DEPDC1B: variants seen among roughly 807,000 people sequenced by gnomAD.
DEPDC1B encodes the protein DEP domain-containing protein 1B.
Under a neutral mutation model 66.5 loss-of-function variants are expected in DEPDC1B, and 51 were observed. The observed-to-expected ratio is 0.77, with a 90% CI of 0.61 to 0.97. The LOEUF (loss-of-function observed/expected upper bound fraction) is 0.97, where lower values mean the gene tolerates loss of function less well. Among genes scored for constraint, DEPDC1B ranks in the 50% least tolerant of loss-of-function variants. The pLI, the probability that DEPDC1B is intolerant of heterozygous loss-of-function variation, is 0.00. For synonymous variants in DEPDC1B, 226 were observed against 223.6 expected (o/e 1.01, Z -0.10); for missense variants, 552 against 637.1 (o/e 0.87, Z 1.44).
At position 60,603,487 on chromosome 5, in the gene DEPDC1B, T is replaced by G. The variant is rs200431822; in HGVS notation, c.1146A>C (p.Val382=). The G allele has an allele frequency of 4.6e-5, 75 of 1,613,042 alleles. No homozygotes were observed. The highest frequency in any genetic ancestry group is 1.4e-5 in the Non-Finnish European group (16 of 1,179,652). Residue 382 remains valine (V), a synonymous_variant, in exon 9 of 11, where the codon GTA becomes GTC. Transcript: ENST00000265036. The part of the protein sequence containing the change: ...DLDELLAARL[V]TFLMDNYQEI... ...CCTGGTAATTGTCCATCAGAAACGT[T>G]ACCAATCTAGCAGCTAATAACTCAT...
intron 1 of DEPDC1B, among the ~76,000 whole-genome samples, chr5:60,696,494 T>C (rs1754657087): frequency 6.6e-6 from 1 of 152,216 alleles, no homozygotes; most frequent in East Asian, 1.9e-4. Flanking sequence ...ACTAAGGGGT[T>C]ATTTGGCTAC....
At chr5:60,605,531 C>T (rs1752291216) in intron 8 of DEPDC1B, among the ~76,000 whole-genome samples, 159 bp downstream of exon 8, 1 of 152,182 alleles carries the variant, frequency 6.6e-6, no homozygotes, top group Non-Finnish European at 1.5e-5. Context: ...TTCTTTAAGA[C>T]ACTTAGAACA....
rs770495076 is a variant in DEPDC1B, at chr5:60,597,847, A to C, written c.1496T>G (p.Phe499Cys). 3.1e-6 allele frequency: 5 copies of C among 1,613,466 alleles called. No homozygotes were observed. The South Asian group carries it at 5.5e-5, about 18-fold the overall frequency. Residue 499 changes from phenylalanine (F) to cysteine (C), a missense_variant, in exon 11 of 11, where the codon TTT becomes TGT. Transcript: ENST00000265036. The stretch of plus-strand genomic sequence containing the variant: ...TGGTTTCGGTTTGGGTTTTTCAGGA[A>C]ACAGAAGTGCTGCACTTTCTGGTGT... The part of the protein sequence containing the change: ...FPTPESAALL[F>C]PEKPKPKPQL...
chr5:60,686,906 C>A, intron 2 of DEPDC1B, 56 bp downstream of exon 2: 2 of 1,594,200 alleles, frequency 1.3e-6, no homozygotes, highest in Non-Finnish European at 1.7e-6. Flanking sequence ...CAGACTTGGA[C>A]CAGATTCACT....
intron 7 of DEPDC1B, among the ~76,000 whole-genome samples, chr5:60,614,545 T>G (rs1333302366): frequency 6.6e-6 from 1 of 152,230 alleles, no homozygotes; most frequent in Non-Finnish European, 1.5e-5. Context: ...AGCCCCTGCT[T>G]AATCTCTTCT....
At chr5:60,661,377 T>TAG (rs1561380647) in intron 2 of DEPDC1B, among the ~76,000 whole-genome samples, 1 of 152,184 alleles carries the variant, frequency 6.6e-6, no homozygotes, top group Admixed American at 6.5e-5. Context: ...GAATAAGCAT[T>TAG]AGGACCATAG....
intron 2 of DEPDC1B, among the ~76,000 whole-genome samples, chr5:60,683,331 C>T (rs570808103): frequency 1.4e-4 from 22 of 152,222 alleles, no homozygotes; most frequent in African/African-American, 4.1e-4. Flanking sequence ...ATGCAGGAGG[C>T]TGAGGTGGGA....
rs1561384224 is a variant in DEPDC1B at position 60,667,835 on chromosome 5, G to GGATATTTTACATATATA, written c.314+19126_314+19127insTATATATGTAAAATATC. On this transcript the variant is annotated intron_variant, in intron 2 of 10. Transcript: ENST00000265036. The stretch of plus-strand genomic sequence containing the variant: ...TAAAAAATGGATATTTTACATATAT[G>GGATATTTTACATATATA]TAAAAAATGGATATTTTACATATAT... Among the ~76,000 whole-genome samples the GGATATTTTACATATATA allele has an allele frequency of 6.6e-5, 3 of 45,792 alleles. No individual in the cohort carries two copies. The East Asian group carries it at 2.5e-3, about 38-fold the overall frequency. 30.0% of individuals were successfully genotyped at this position (45,792 alleles called of 152,430 possible).
rs28859890 is a variant in DEPDC1B, at chr5:60,618,294, G to A, written c.899-12438C>T. ...GCAAGAAATAACTAAGATCAGAGCA[G>A]AACTGAAGGAAATAGAGACACAAAA... On this transcript the variant is annotated intron_variant, in intron 7 of 10. Transcript: ENST00000265036. 5.3e-5 allele frequency among the ~76,000 whole-genome samples: 8 copies of A among 152,102 alleles called. No individual in the cohort carries two copies. The South Asian group carries it at 1.0e-3, about 20-fold the overall frequency.
chr5:60,653,346 C>T (rs748330892), intron 2 of DEPDC1B, among the ~76,000 whole-genome samples: 2 of 133,750 alleles, frequency 1.5e-5, no homozygotes, highest in African/African-American at 3.2e-5. Context: ...TTTCCCTCAT[C>T]GTTAGTAATG....
chr5:60,648,801 A>C (rs1398080982), intron 2 of DEPDC1B, among the ~76,000 whole-genome samples: 1 of 152,236 alleles, frequency 6.6e-6, no homozygotes, highest in Non-Finnish European at 1.5e-5. Context: ...TGTTCCCAAA[A>C]GATTCCAAAA....
At chr5:60,695,698 G>A (rs151199887) in intron 1 of DEPDC1B, among the ~76,000 whole-genome samples, 4 of 152,182 alleles carry the variant, frequency 2.6e-5, no homozygotes, top group Admixed American at 6.5e-5. Flanking sequence ...CTGTTCCTGT[G>A]TAATACCATA....
intron 2 of DEPDC1B, among the ~76,000 whole-genome samples, chr5:60,680,427 T>C (rs1264430111): frequency 1.3e-5 from 2 of 152,146 alleles, no homozygotes; most frequent in African/African-American, 2.4e-5. Flanking sequence ...TAAAAAAAAA[T>C]TACAAATTTA....
chr5:60,608,750 T>C (rs1752359130), intron 7 of DEPDC1B, among the ~76,000 whole-genome samples: 1 of 152,128 alleles, frequency 6.6e-6, no homozygotes, highest in African/African-American at 2.4e-5. Flanking sequence ...CAAAAAATTA[T>C]TACTAAACTC....
At chr5:60,635,825 T>G (rs1439363895) in intron 7 of DEPDC1B, among the ~76,000 whole-genome samples, 4 of 152,226 alleles carry the variant, frequency 2.6e-5, no homozygotes, top group African/African-American at 7.2e-5. Context: ...CTCCCATTTC[T>G]TAAGGATTGG....
chr5:60,643,255 C>A (rs1753232616), intron 5 of DEPDC1B, among the ~76,000 whole-genome samples: 1 of 152,192 alleles, frequency 6.6e-6, no homozygotes, highest in African/African-American at 2.4e-5. Flanking sequence ...TCAAACACCA[C>A]CAGCCCCTCA....
chr5:60,615,777 C>T (rs1352120305), intron 7 of DEPDC1B, among the ~76,000 whole-genome samples: 1 of 152,204 alleles, frequency 6.6e-6, no homozygotes, highest in Non-Finnish European at 1.5e-5. Flanking sequence ...CACTGTCTGA[C>T]AGCCTTGAAG....
intron 2 of DEPDC1B, among the ~76,000 whole-genome samples, chr5:60,664,635 G>A (rs552760613): frequency 5.9e-5 from 9 of 152,252 alleles, no homozygotes; most frequent in African/African-American, 2.2e-4. Context: ...CTCAACTTGT[G>A]TACTGATGGA....
At chr5:60,697,538 A>C (rs1271720530) in intron 1 of DEPDC1B, among the ~76,000 whole-genome samples, 1 of 152,222 alleles carries the variant, frequency 6.6e-6, no homozygotes, top group African/African-American at 2.4e-5. Context: ...ACCTAGCAAA[A>C]GCTTTAAGTC....
Sources: gnomAD v4.1 joint callset for allele counts (sites outside exome capture counted in the v4.1 genomes callset) on GRCh38, gnomAD v4.1.1 for gene constraint, MANE v1.5 for transcripts, NCBI Gene and HGNC (gene_info 2026-07-23, HGNC 2026-07-21) for gene names.